The following CFAP299 variants were observed in gnomAD, a reference collection of about 807,000 sequenced individuals.
The protein encoded by CFAP299 is cilia- and flagella-associated protein 299.
In CFAP299, 21 loss-of-function variants were observed where a neutral mutation model predicts 27.0. That is an observed-to-expected ratio of 0.78 (90% CI 0.55 to 1.12). The LOEUF is 1.12. Among genes scored for constraint, CFAP299 ranks in the 50% most tolerant of loss-of-function variants. The pLI is 0.00. For synonymous variants in CFAP299, 104 were observed against 98.1 expected, an observed-to-expected ratio of 1.06 and a Z score of -0.36; for missense variants, 310 against 276.6, an observed-to-expected ratio of 1.12 and a Z score of -0.86.
At chr4:80,470,128 A>G (rs1478027544) in intron 2 of CFAP299, among the ~76,000 whole-genome samples, 1 of 152,126 alleles carries the variant, frequency 6.6e-6, no homozygotes, top group Admixed American at 6.5e-5. Flanking sequence ...TAGTGAAGAA[A>G]AGCACTAGAC....
chr4:80,938,683 C>G (rs1036190782), intron 4 of CFAP299, among the ~76,000 whole-genome samples: 1 of 152,134 alleles, frequency 6.6e-6, no homozygotes, highest in Admixed American at 6.6e-5. Flanking sequence ...AGGGTCTCCC[C>G]GACTGAGCTG....
chr4:80,455,825 T>C (rs1223279872), intron 2 of CFAP299, among the ~76,000 whole-genome samples: 8 of 152,224 alleles, frequency 5.3e-5, no homozygotes, highest in Admixed American at 5.2e-4. Flanking sequence ...TTATCTAGTG[T>C]TGATTGAGCA....
intron 3 of CFAP299, among the ~76,000 whole-genome samples, chr4:80,787,189 G>T (rs991571961): frequency 7.4e-5 from 11 of 148,416 alleles, no homozygotes; most frequent in African/African-American, 2.5e-4. Context: ...CTCCTGGGCT[G>T]GGCATGGAAT....
intron 2 of CFAP299, among the ~76,000 whole-genome samples, chr4:80,510,378 C>CAG (rs1173461724): frequency 6.6e-6 from 1 of 152,140 alleles, no homozygotes; most frequent in East Asian, 1.9e-4. Flanking sequence ...TGCTCTTCTC[C>CAG]AGAGAATTGT....
At chr4:80,608,383 AG>A (rs1737786154) in intron 3 of CFAP299, 1 of 1,524,388 alleles carries the variant, frequency 6.6e-7, no homozygotes, top group Admixed American at 2.0e-5. Context: ...AGCAACTGGC[AG>A]TAAGTACTGC....
At chr4:80,359,620 T>A (rs1252960831) in intron 1 of CFAP299, among the ~76,000 whole-genome samples, 1 of 152,228 alleles carries the variant, frequency 6.6e-6, no homozygotes, top group Non-Finnish European at 1.5e-5. Context: ...CTGCTATTAA[T>A]ACTTGTGATT....
At chr4:80,840,678 T>C (rs1730816959) in intron 3 of CFAP299, among the ~76,000 whole-genome samples, 1 of 152,128 alleles carries the variant, frequency 6.6e-6, no homozygotes, top group African/African-American at 2.4e-5. Flanking sequence ...TTTTGAATTG[T>C]TTAAAGATCC....
At chr4:80,447,122 TTTTTTTTG>T (rs1285914426) in intron 2 of CFAP299, among the ~76,000 whole-genome samples, 10 of 123,088 alleles carry the variant, frequency 8.1e-5, no homozygotes, top group South Asian at 2.8e-4. Context: ...TTTATTTGTT[TTTTTTTTG>T]TTTTTTTTTT....
intron 4 of CFAP299, among the ~76,000 whole-genome samples, chr4:80,941,441 A>G (rs533048409): frequency 2.6e-4 from 39 of 152,312 alleles, no homozygotes; most frequent in African/African-American, 8.9e-4. Context: ...ACTGGAATAT[A>G]CTGCATACTA....
chr4:80,893,214 C>T (rs1734433658), intron 4 of CFAP299, among the ~76,000 whole-genome samples: 4 of 150,858 alleles, frequency 2.7e-5, no homozygotes, highest in Non-Finnish European at 5.9e-5. Flanking sequence ...AATTATGAAA[C>T]ATTGATGAAA....
intron 2 of CFAP299, among the ~76,000 whole-genome samples, chr4:80,392,628 T>C (rs1725547107): frequency 1.3e-5 from 2 of 152,168 alleles, no homozygotes; most frequent in South Asian, 2.1e-4. Context: ...CCTTCTGCCA[T>C]GATTGTAAGA....
chr4:80,673,545 G>GT (rs370996651), intron 3 of CFAP299, among the ~76,000 whole-genome samples: 95 of 152,274 alleles, frequency 6.2e-4, no homozygotes, highest in African/African-American at 2.2e-3. Context: ...GCGGAGCTGA[G>GT]TTCAAGTCTG....
Position 80,583,169 on chromosome 4 carries a change from A to G in CFAP299, c.319A>G (p.Ser107Gly), listed in dbSNP as rs764254311. ...ALAMREEDNR[S>G]GKLSSVIFIR... ...GGCAATGAGAGAAGAAGACAATCGC[A>G]GTGGAAAACTGAGTGTAAGTACATT... The change falls in exon 3 of 6, where the codon AGT becomes GGT. Residue 107 changes from serine to glycine, a missense_variant. Coordinates refer to ENST00000358105, the MANE Select transcript of CFAP299 (RefSeq NM_152770.3). 2.5e-6 allele frequency: 4 copies of G among 1,603,844 alleles called. No individual in the cohort carries two copies. The highest frequency in any genetic ancestry group is 1.3e-5 in the African/African-American group (1 of 74,564).
intron 3 of CFAP299, among the ~76,000 whole-genome samples, chr4:80,851,469 A>G (rs1731519165): frequency 6.6e-6 from 1 of 152,130 alleles, no homozygotes; most frequent in African/African-American, 2.4e-5. Flanking sequence ...ATGTCATTTT[A>G]CACTTATAAA....
chr4:80,782,371 T>A (rs1304457340), intron 3 of CFAP299, among the ~76,000 whole-genome samples: 1 of 151,762 alleles, frequency 6.6e-6, no homozygotes, highest in Non-Finnish European at 1.5e-5. Flanking sequence ...CCTATCATAC[T>A]TTTAGTTATT....
At chr4:80,597,939 G>A (rs943863290) in intron 3 of CFAP299, among the ~76,000 whole-genome samples, 4 of 152,028 alleles carry the variant, frequency 2.6e-5, no homozygotes, top group Non-Finnish European at 4.4e-5. Context: ...TGCCTGCCTC[G>A]GCCTCCCAAA....
intron 2 of CFAP299, among the ~76,000 whole-genome samples, chr4:80,456,154 C>T (rs1729141689): frequency 6.6e-6 from 1 of 151,940 alleles, no homozygotes; most frequent in South Asian, 2.1e-4. Context: ...AAGCCAAACC[C>T]CATGCTTGGA....
intron 3 of CFAP299, among the ~76,000 whole-genome samples, chr4:80,820,288 C>G (rs1231777886): frequency 1.3e-5 from 2 of 152,014 alleles, no homozygotes; most frequent in Non-Finnish European, 2.9e-5. Context: ...TGAATTTCTA[C>G]TATATGAAGC....
At chr4:80,414,322 G>A (rs1395273063) in intron 2 of CFAP299, among the ~76,000 whole-genome samples, 1 of 151,568 alleles carries the variant, frequency 6.6e-6, no homozygotes, top group Non-Finnish European at 1.5e-5. Flanking sequence ...CGCCCGCCTC[G>A]GCCTCCCAAA....
Sources: allele counts gnomAD v4.1 joint callset (sites outside exome capture counted in the v4.1 genomes callset), GRCh38; gene constraint gnomAD v4.1.1; transcripts MANE v1.5; gene names NCBI Gene and HGNC (gene_info 2026-07-23, HGNC 2026-07-21).